The following IGSF10 variants were observed in gnomAD, a reference collection of about 807,000 sequenced individuals.
IGSF10 encodes the protein immunoglobulin superfamily member 10, also known as calvaria mechanical force protein 608.
A neutral mutation model predicts 128.2 loss-of-function variants in IGSF10; 126 were observed. That is an observed-to-expected ratio of 0.98 (90% confidence interval 0.85 to 1.14). The LOEUF (loss-of-function observed/expected upper bound fraction) is 1.14. IGSF10 is among the 50% of genes most tolerant of loss of function. The probability of loss-of-function intolerance (pLI) is 0.00; values close to 1 mark genes in which losing one functional copy is unlikely to be tolerated. For missense variants in IGSF10, 3,295 were observed against 3,149.8 expected, an observed-to-expected ratio of 1.05 and a Z score of -1.10; for synonymous variants, 1,185 against 1,146.2, an observed-to-expected ratio of 1.03 and a Z score of -0.68.
the IGSF10 span, among the ~76,000 whole-genome samples, chr3:151,518,247 A>G: frequency 6.6e-6 from 1 of 152,000 alleles, no homozygotes; most frequent in Non-Finnish European, 1.5e-5. Flanking sequence ...TTCAAATAAG[A>G]AAAATGTCAA....
chr3:151,604,022 G>A, the IGSF10 span, among the ~76,000 whole-genome samples: 84 of 152,052 alleles, frequency 5.5e-4, no homozygotes, highest in Non-Finnish European at 1.1e-3. Context: ...GCACATGATA[G>A]GCATTCAATA....
the IGSF10 span, among the ~76,000 whole-genome samples, chr3:151,574,068 G>A: frequency 6.6e-6 from 1 of 152,174 alleles, no homozygotes; most frequent in African/African-American, 2.4e-5. Flanking sequence ...GGCGTGTAGA[G>A]TTTCTGCTGA....
chr3:151,531,316 A>G, the IGSF10 span, among the ~76,000 whole-genome samples: 1 of 152,150 alleles, frequency 6.6e-6, no homozygotes, highest in Non-Finnish European at 1.5e-5. Flanking sequence ...ACTTGAACTC[A>G]CCTCTGGACC....
upstream of IGSF10, chr3:151,461,067 C>T: frequency 9.1e-6 from 9 of 985,330 alleles, no homozygotes; most frequent in Non-Finnish European, 1.1e-5. Flanking sequence ...GGAAGGAAGG[C>T]GGAGCGAGGG....
At chr3:151,606,491 T>C in the IGSF10 span, among the ~76,000 whole-genome samples, 1 of 152,208 alleles carries the variant, frequency 6.6e-6, no homozygotes, top group Admixed American at 6.5e-5. Context: ...CCCATATTTC[T>C]ACAACATGAC....
At chr3:151,474,949 C>T in the IGSF10 span, among the ~76,000 whole-genome samples, 1 of 152,180 alleles carries the variant, frequency 6.6e-6, no homozygotes, top group South Asian at 2.1e-4. Flanking sequence ...CACTGGGTCC[C>T]TCCCACAATA....
chr3:151,433,932 T>C (rs1719806026), downstream of IGSF10: 1 of 152,656 alleles, frequency 6.6e-6, no homozygotes, highest in South Asian at 2.1e-4. Context: ...AAAGAAATAG[T>C]AACTATTTTA....
chr3:151,506,641 T>G, the IGSF10 span, among the ~76,000 whole-genome samples: 4 of 152,156 alleles, frequency 2.6e-5, no homozygotes, highest in African/African-American at 9.7e-5. Flanking sequence ...TGATCAAATG[T>G]AGGCCTAAAT....
At chr3:151,463,526 T>G (rs894586239), upstream of IGSF10, among the ~76,000 whole-genome samples, 20 of 53,276 alleles carry the variant, frequency 3.8e-4, no homozygotes, top group African/African-American at 4.7e-4. Flanking sequence ...TTTTCTGGTT[T>G]TTTTTTTTTT....
chr3:151,527,001 T>C, the IGSF10 span, among the ~76,000 whole-genome samples: 1 of 151,220 alleles, frequency 6.6e-6, no homozygotes. Context: ...GTTGCTGAAT[T>C]TGCTTTTTGT....
At chr3:151,564,410 T>TTTCCTTCC in the IGSF10 span, among the ~76,000 whole-genome samples, 3 of 152,092 alleles carry the variant, frequency 2.0e-5, no homozygotes, top group African/African-American at 7.2e-5. Context: ...TAAGAATTTA[T>TTTCCTTCC]TTCCTTCCTT....
At chr3:151,521,648 G>C in the IGSF10 span, among the ~76,000 whole-genome samples, 1 of 151,922 alleles carries the variant, frequency 6.6e-6, no homozygotes, top group African/African-American at 2.4e-5. Context: ...AAATTAAGAA[G>C]TTATTTGAAG....
At chr3:151,614,618 C>A in the IGSF10 span, among the ~76,000 whole-genome samples, 2 of 150,526 alleles carry the variant, frequency 1.3e-5, no homozygotes, top group African/African-American at 4.9e-5. Context: ...GGGAATTGAA[C>A]AATGAGAACA....
At chr3:151,613,782 A>G in the IGSF10 span, among the ~76,000 whole-genome samples, 1 of 152,230 alleles carries the variant, frequency 6.6e-6, no homozygotes, top group African/African-American at 2.4e-5. Flanking sequence ...CTTCATGTCT[A>G]AAACACCAAA....
the IGSF10 span, among the ~76,000 whole-genome samples, chr3:151,474,160 T>C: frequency 2.0e-5 from 3 of 152,070 alleles, no homozygotes; most frequent in Non-Finnish European, 1.5e-5. Flanking sequence ...TAATGGAACA[T>C]CATGCAGCTT....
chr3:151,522,257 G>T, the IGSF10 span, among the ~76,000 whole-genome samples: 1 of 151,958 alleles, frequency 6.6e-6, no homozygotes, highest in Non-Finnish European at 1.5e-5. Flanking sequence ...GCCAAATTCT[G>T]CCAGATGTAC....
chr3:151,495,670 T>G, the IGSF10 span, among the ~76,000 whole-genome samples: 39 of 152,086 alleles, frequency 2.6e-4, no homozygotes, highest in African/African-American at 9.4e-4. Flanking sequence ...TTCTACCCAT[T>G]GCTGGAAATA....
chr3:151,477,640 A>G, the IGSF10 span, among the ~76,000 whole-genome samples: 1 of 152,218 alleles, frequency 6.6e-6, no homozygotes, highest in African/African-American at 2.4e-5. Flanking sequence ...GGATTCCAAA[A>G]ATCACCGACC....
chr3:151,446,308 C>T lies in IGSF10; in HGVS notation c.3673G>A (p.Val1225Ile), dbSNP rs1231301727. 6.2e-7 allele frequency: 1 copy of T among 1,614,010 alleles called. No homozygotes were observed. The highest frequency in any genetic ancestry group is 2.2e-5 in the East Asian group (1 of 44,886). The change falls in exon 6 of 8, where the codon GTT becomes ATT. Residue 1225 changes from valine to isoleucine, a missense_variant. By Grantham distance (29) the Val-to-Ile change is conservative. Transcript: ENST00000282466. Reference protein sequence around the residue: ...PKGRLRNQHKVSLQKSTAVML... With the variant: ...PKGRLRNQHKISLQKSTAVML... ...ACAGCTGTGCTTTTTTGTAAACTAA[C>T]TTTATGTTGATTCCTTAATCTGCCT...
Sources: allele counts gnomAD v4.1 joint callset (sites outside exome capture counted in the v4.1 genomes callset), GRCh38; gene constraint gnomAD v4.1.1; transcripts MANE v1.5; gene names NCBI Gene and HGNC (gene_info 2026-07-23, HGNC 2026-07-21).